Variants in STOX2 observed in about 807,000 individuals in gnomAD.
STOX2 encodes storkhead box 2, also known as storkhead-box protein 2.
In STOX2, 28 loss-of-function variants were observed where a neutral mutation model predicts 60.9. The observed-to-expected ratio is 0.46, with a 90% CI of 0.34 to 0.63. The LOEUF (loss-of-function observed/expected upper bound fraction) is 0.63, where lower values mean the gene tolerates loss of function less well. Ranked by LOEUF, STOX2 falls within the 30% of genes least tolerant of loss-of-function variation. The probability of loss-of-function intolerance (pLI) is 0.01; values close to 1 mark genes in which losing one functional copy is unlikely to be tolerated. For synonymous variants in STOX2, 472 were observed against 463.9 expected, an observed-to-expected ratio of 1.02 and a Z score of -0.22; for missense variants, 1,024 against 1,187.7, an observed-to-expected ratio of 0.86 and a Z score of 2.03.
intron 1 of STOX2, among the ~76,000 whole-genome samples, chr4:183,859,194 C>T (rs2111151581): frequency 6.6e-6 from 1 of 152,316 alleles, no homozygotes; most frequent in South Asian, 2.1e-4. Context: ...TGTGCCCCTG[C>T]TCTGGCCCAT....
intron 1 of STOX2, among the ~76,000 whole-genome samples, chr4:183,985,148 T>C (rs1247811358): frequency 6.6e-6 from 1 of 152,154 alleles, no homozygotes; most frequent in African/African-American, 2.4e-5. Context: ...GAGACCCCAC[T>C]TGTGACCTTG....
At position 183,907,403 on chromosome 4, in the gene STOX2, A is replaced by G. The variant is rs940213837; in HGVS notation, c.166+447A>G. Among the ~76,000 whole-genome samples the G allele has an allele frequency of 7.9e-5, 12 of 152,200 alleles. 1 individual carries two copies. The highest frequency in any genetic ancestry group is 1.8e-4 in the Non-Finnish European group (12 of 68,024). Reference sequence around the variant, plus strand: ...TGCGCAGCTCTGGATGGGCTGAGTCAGGGGAGAGTCCTGCAGACATCCCAG... The same window carrying G: ...TGCGCAGCTCTGGATGGGCTGAGTCGGGGGAGAGTCCTGCAGACATCCCAG... On this transcript the variant is annotated intron_variant, in intron 1 of 3. Transcript: ENST00000308497.
In STOX2 at chr4:183,906,004, T is replaced by C. The variant is rs1741584930; in HGVS notation, c.-787T>C. On this transcript the variant is annotated 5_prime_UTR_variant, in exon 1 of 4. Coordinates refer to ENST00000308497, the MANE Select transcript of STOX2 (RefSeq NM_020225.3). ...GCCCGGAGCCTCGGCAAGGGGAAGATTGACGAGGCGCTGCAGTCGCGGGGA... is the reference window on the plus strand; with the variant it reads ...GCCCGGAGCCTCGGCAAGGGGAAGACTGACGAGGCGCTGCAGTCGCGGGGA... 1 of 152,182 alleles carries C rather than the reference T, an allele frequency of 6.6e-6. No individual in the cohort carries two copies. Among genetic ancestry groups the C allele is most frequent in the African/African-American group, 2.4e-5 (1 of 41,430 alleles). The allele number at this position is 152,182 out of a possible 1,614,324, so 9.4% of individuals were successfully genotyped here.
At chr4:183,873,246 G>A (rs750666890) in intron 1 of STOX2, among the ~76,000 whole-genome samples, 1 of 152,060 alleles carries the variant, frequency 6.6e-6, no homozygotes, top group Non-Finnish European at 1.5e-5. Context: ...TCGGGAGTTC[G>A]AGACCAGCCT....
chr4:183,908,475 T>A (rs1255911672), intron 1 of STOX2, among the ~76,000 whole-genome samples: 1 of 152,038 alleles, frequency 6.6e-6, no homozygotes, highest in African/African-American at 2.4e-5. Flanking sequence ...TTCTTATGCC[T>A]CCTAAGGAAC....
At chr4:183,969,217 A>G (rs1004701125) in intron 1 of STOX2, among the ~76,000 whole-genome samples, 3 of 152,242 alleles carry the variant, frequency 2.0e-5, no homozygotes, top group Non-Finnish European at 4.4e-5. Context: ...TACGTGTTAC[A>G]TGAACAGACA....
At chr4:183,971,755 A>AAC (rs1743749279) in intron 1 of STOX2, among the ~76,000 whole-genome samples, 1 of 152,248 alleles carries the variant, frequency 6.6e-6, no homozygotes, top group East Asian at 1.9e-4. Context: ...ATAAAAGAAA[A>AAC]ACAAAGTCCA....
At chr4:183,816,236 G>GTGA (rs775289015) in intron 1 of STOX2, among the ~76,000 whole-genome samples, 10 of 152,184 alleles carry the variant, frequency 6.6e-5, no homozygotes, top group Non-Finnish European at 1.3e-4. Flanking sequence ...TTTAAAAATG[G>GTGA]TGACGTCAAT....
chr4:183,830,431 C>T (rs1248085787), intron 1 of STOX2, among the ~76,000 whole-genome samples: 2 of 152,176 alleles, frequency 1.3e-5, no homozygotes, highest in African/African-American at 4.8e-5. Context: ...AATGCAACTA[C>T]AGCTGTGTCC....
chr4:183,955,480 T>C (rs999487651), intron 1 of STOX2, among the ~76,000 whole-genome samples: 11 of 152,224 alleles, frequency 7.2e-5, no homozygotes, highest in African/African-American at 2.4e-4. Flanking sequence ...AATCTAGGTA[T>C]TCCTCCCTGT....
intron 1 of STOX2, among the ~76,000 whole-genome samples, chr4:184,000,247 C>G (rs949067352): frequency 6.6e-6 from 1 of 152,176 alleles, no homozygotes; most frequent in Admixed American, 6.5e-5. Flanking sequence ...ACTTGAAAAT[C>G]ACTGACTGCA....
intron 1 of STOX2, among the ~76,000 whole-genome samples, chr4:183,852,560 A>AGAAAGGATGAGAGAAAGGATGAGG (rs1560846547): frequency 2.5e-4 from 24 of 94,658 alleles, no homozygotes; most frequent in African/African-American, 4.4e-4. Context: ...AAAGGATGAG[A>AGAAAGGATGAGAGAAAGGATGAGG]GAAAGGATGA....
At chr4:183,892,204 C>G (rs1741232556) in intron 1 of STOX2, among the ~76,000 whole-genome samples, 1 of 152,244 alleles carries the variant, frequency 6.6e-6, no homozygotes, top group Non-Finnish European at 1.5e-5. Flanking sequence ...CCCTCGTCTC[C>G]TATGCTGCGC....
intron 1 of STOX2, among the ~76,000 whole-genome samples, chr4:183,878,741 A>T (rs528073308): frequency 2.0e-5 from 3 of 152,378 alleles, no homozygotes; most frequent in African/African-American, 7.2e-5. Flanking sequence ...TGTCATCATT[A>T]GACTTCAAAG....
At chr4:183,846,174 A>C (rs1739985738) in intron 1 of STOX2, among the ~76,000 whole-genome samples, 1 of 152,168 alleles carries the variant, frequency 6.6e-6, no homozygotes, top group Non-Finnish European at 1.5e-5. Flanking sequence ...TTAACTGTTA[A>C]TCTTACTGTG....
intron 1 of STOX2, among the ~76,000 whole-genome samples, chr4:183,853,259 G>A (rs774286478): frequency 2.6e-5 from 4 of 152,182 alleles, no homozygotes; most frequent in African/African-American, 7.2e-5. Flanking sequence ...TTTCCCTTGC[G>A]TTTCAAGTCA....
chr4:184,010,649 A>G lies in STOX2; in HGVS notation c.1811A>G (p.Asn604Ser). The change falls in exon 3 of 4, where the codon AAC becomes AGC. Residue 604 changes from asparagine to serine, a missense_variant. Physicochemically the swap from Asn to Ser is conservative, Grantham distance 46 (BLOSUM62 1). Coordinates refer to ENST00000308497, the MANE Select transcript of STOX2 (RefSeq NM_020225.3). This position sits in a 1 kb window ranked among gnomAD's most constrained non-coding sequence, Gnocchi z 4.5. ...GCCACAGATGACTATTTCCAGTGCAACACCTCTAGTGAGACGGTGCTCACG... is the reference window on the plus strand; with the variant it reads ...GCCACAGATGACTATTTCCAGTGCAGCACCTCTAGTGAGACGGTGCTCACG... The part of the protein sequence containing the change: ...KTATDDYFQC[N>S]TSSETVLTAP... 1 of 1,614,036 alleles carries G rather than the reference A, an allele frequency of 6.2e-7. No homozygotes were observed. Among genetic ancestry groups the G allele is most frequent in the Non-Finnish European group, 8.5e-7 (1 of 1,179,886 alleles).
chr4:183,850,496 AG>A (rs1206940351), intron 1 of STOX2, among the ~76,000 whole-genome samples: 2 of 152,040 alleles, frequency 1.3e-5, no homozygotes, highest in Non-Finnish European at 2.9e-5. Flanking sequence ...TGGGAGGCCG[AG>A]GCAGGTGGAT....
At chr4:183,863,006 G>A (rs534901129) in intron 1 of STOX2, among the ~76,000 whole-genome samples, 1 of 152,256 alleles carries the variant, frequency 6.6e-6, no homozygotes, top group South Asian at 2.1e-4. Flanking sequence ...ATCTCACTGG[G>A]GATGTTTAGG....
Sources: allele counts gnomAD v4.1 joint callset (sites outside exome capture counted in the v4.1 genomes callset), GRCh38; gene constraint gnomAD v4.1.1; non-coding constraint Gnocchi (gnomAD v3.1); transcripts MANE v1.5; gene names NCBI Gene and HGNC (gene_info 2026-07-23, HGNC 2026-07-21).